Variants in FOXN3 observed in about 807,000 individuals in gnomAD.
The protein encoded by FOXN3 is forkhead box protein N3.
FOXN3 carries 7 observed loss-of-function variants against 38.4 expected under a neutral mutation model. That is an observed-to-expected ratio of 0.18 (90% CI 0.10 to 0.34). The LOEUF (loss-of-function observed/expected upper bound fraction) is 0.34. FOXN3 is among the 10% of genes least tolerant of loss of function. FOXN3 has a pLI of 1.00. For missense variants in FOXN3, 456 were observed against 613.4 expected, an observed-to-expected ratio of 0.74 and a Z score of 2.71; for synonymous variants, 230 against 242.2, an observed-to-expected ratio of 0.95 and a Z score of 0.47.
In FOXN3 at chr14:89,158,378, A is replaced by C. The variant is rs1177935954; in HGVS notation, c.*4036T>G. On this transcript the variant is annotated 3_prime_UTR_variant, in exon 6 of 6. Coordinates refer to ENST00000557258, the MANE Select transcript of FOXN3 (RefSeq NM_005197.4). Reference sequence around the variant, plus strand: ...CTGCTGTGGCCAGCAAGCACTAGACACATTGAATGCCTCTGCAAAACAAAA... The same window carrying C: ...CTGCTGTGGCCAGCAAGCACTAGACCCATTGAATGCCTCTGCAAAACAAAA... 6.6e-6 allele frequency: 1 copy of C among 152,396 alleles called. No homozygotes were observed. Among genetic ancestry groups the C allele is most frequent in the Non-Finnish European group, 1.5e-5 (1 of 68,054 alleles). The allele number at this position is 152,396 out of a possible 1,614,324, so 9.4% of individuals were successfully genotyped here. A position where few individuals can be genotyped will look rare whatever the true frequency, so the allele number is the denominator to read the frequency against.
intron 2 of FOXN3, among the ~76,000 whole-genome samples, chr14:89,389,985 C>T (rs1890892733): frequency 1.3e-5 from 2 of 151,880 alleles, no homozygotes; most frequent in Admixed American, 6.6e-5. Flanking sequence ...TTTGGGAGGC[C>T]GAGGTGGGCA....
chr14:89,581,176 T>G (rs973214231), intron 1 of FOXN3, among the ~76,000 whole-genome samples: 17 of 151,838 alleles, frequency 1.1e-4, no homozygotes, highest in African/African-American at 4.1e-4. Flanking sequence ...AGTGAGACCC[T>G]GTCTCAGAAA....
Position 89,291,551 on chromosome 14 carries a change from A to T in FOXN3, c.681-10537T>A, listed in dbSNP as rs1016551027. 1.4e-5 allele frequency: 8 copies of T among 571,464 alleles called. No homozygotes were observed. In the African/African-American group the frequency reaches 1.5e-4, roughly 11 times the overall value. The allele number at this position is 571,464 out of a possible 1,614,324, so 35.4% of individuals were successfully genotyped here. On this transcript the variant is annotated intron_variant, in intron 3 of 5. Transcript: ENST00000557258. ...TGCAGACAGCGACTCCAGGCAGCTG[A>T]CAGCCCACTCCAGTCTTTCCAGCAG...
At chr14:89,588,488 G>A (rs778851864) in intron 1 of FOXN3, among the ~76,000 whole-genome samples, 3 of 152,024 alleles carry the variant, frequency 2.0e-5, no homozygotes, top group Admixed American at 1.3e-4. Flanking sequence ...CATCAACACC[G>A]CCCGATAGCA....
intron 3 of FOXN3, among the ~76,000 whole-genome samples, chr14:89,321,107 G>A (rs764025612): frequency 6.6e-6 from 1 of 151,970 alleles, no homozygotes; most frequent in Non-Finnish European, 1.5e-5. Context: ...GGGCAATATG[G>A]CGAAAACCCC....
In FOXN3 at chr14:89,156,304, A is replaced by G. The variant is rs1886978238; in HGVS notation, c.*6110T>C. ...AATGATGAAATAGTTTGTCTTTGGCAATATGATTACATACGAAGAATGCAA... is the reference window on the plus strand; with the variant it reads ...AATGATGAAATAGTTTGTCTTTGGCGATATGATTACATACGAAGAATGCAA... On this transcript the variant is annotated 3_prime_UTR_variant, in exon 6 of 6. Transcript: ENST00000557258. The G allele has an allele frequency of 6.5e-6, 1 of 152,676 alleles. No homozygotes were observed. 9.5% of individuals were successfully genotyped at this position (152,676 alleles called of 1,614,324 possible). A position where few individuals can be genotyped will look rare whatever the true frequency, so the allele number is the denominator to read the frequency against.
In FOXN3 at chr14:89,160,433, T is replaced by C. The variant is rs542461463; in HGVS notation, c.*1981A>G. 3 of 152,584 alleles carry C rather than the reference T, an allele frequency of 2.0e-5. No homozygotes were observed. The East Asian group carries it at 5.8e-4, about 30-fold the overall frequency. The allele number at this position is 152,584 out of a possible 1,614,324, so 9.5% of individuals were successfully genotyped here. The stretch of plus-strand genomic sequence containing the variant: ...TAGGATGTCTGGGGCTGGCCTTTCC[T>C]ACCTCGGCATCGCTTCCTCCTTCAC... On this transcript the variant is annotated 3_prime_UTR_variant, in exon 6 of 6. Coordinates refer to ENST00000557258, the MANE Select transcript of FOXN3 (RefSeq NM_005197.4).
intron 1 of FOXN3, among the ~76,000 whole-genome samples, chr14:89,467,366 G>A (rs1020542326): frequency 6.6e-6 from 1 of 152,214 alleles, no homozygotes; most frequent in South Asian, 2.1e-4. Context: ...GGGAACATGG[G>A]AAATTTCTAA....
chr14:89,445,150 T>TA (rs1281648300), intron 1 of FOXN3, among the ~76,000 whole-genome samples: 1 of 149,970 alleles, frequency 6.7e-6, no homozygotes, highest in Non-Finnish European at 1.5e-5. Flanking sequence ...TAAAATAAAA[T>TA]AAAAAAAAGT....
At chr14:89,550,640 G>A (rs1227900409) in intron 1 of FOXN3, among the ~76,000 whole-genome samples, 1 of 152,200 alleles carries the variant, frequency 6.6e-6, no homozygotes, top group Non-Finnish European at 1.5e-5. Flanking sequence ...TGGATGATCA[G>A]AGATGGGGAG....
At chr14:89,380,496 T>G (rs928176941) in intron 2 of FOXN3, among the ~76,000 whole-genome samples, 1 of 152,244 alleles carries the variant, frequency 6.6e-6, no homozygotes, top group Non-Finnish European at 1.5e-5. Context: ...TCAAGCTTCC[T>G]GAGAAGAACA....
intron 5 of FOXN3, among the ~76,000 whole-genome samples, chr14:89,169,675 TATTG>T (rs1296398630): frequency 6.6e-6 from 1 of 152,112 alleles, no homozygotes; most frequent in East Asian, 1.9e-4. Flanking sequence ...AGGTTAAAGA[TATTG>T]ATTAACTTTA....
intron 3 of FOXN3, among the ~76,000 whole-genome samples, chr14:89,308,823 A>G (rs1887451554): frequency 1.3e-5 from 2 of 152,224 alleles, no homozygotes; most frequent in African/African-American, 4.8e-5. Flanking sequence ...CACACTGTGA[A>G]CAAATGGAAG....
intron 4 of FOXN3, among the ~76,000 whole-genome samples, chr14:89,234,368 C>A (rs1223403158): frequency 6.6e-6 from 1 of 152,140 alleles, no homozygotes; most frequent in African/African-American, 2.4e-5. Context: ...TAAGCCTTGG[C>A]GTTCCAAGGC....
At chr14:89,246,306 G>A (rs1260199786) in intron 4 of FOXN3, among the ~76,000 whole-genome samples, 1 of 152,070 alleles carries the variant, frequency 6.6e-6, no homozygotes, top group East Asian at 1.9e-4. Context: ...ACATCTTTAA[G>A]TTAAAACATA....
chr14:89,264,212 C>T (rs1885897016), intron 4 of FOXN3, among the ~76,000 whole-genome samples: 2 of 152,076 alleles, frequency 1.3e-5, no homozygotes, highest in African/African-American at 2.4e-5. Flanking sequence ...AAAGACATAC[C>T]CGAGACTGGG....
intron 1 of FOXN3, among the ~76,000 whole-genome samples, chr14:89,441,038 CA>C (rs1256881716): frequency 6.6e-6 from 1 of 152,124 alleles, no homozygotes; most frequent in Non-Finnish European, 1.5e-5. Flanking sequence ...GGTCTGAATG[CA>C]CAAAAGGAAC....
intron 1 of FOXN3, among the ~76,000 whole-genome samples, chr14:89,436,649 C>T (rs889897121): frequency 1.3e-5 from 2 of 152,164 alleles, no homozygotes; most frequent in African/African-American, 4.8e-5. Flanking sequence ...GCTGGCTTTT[C>T]GGTCACTTAC....
At chr14:89,167,700 A>C (rs1183710972) in intron 5 of FOXN3, among the ~76,000 whole-genome samples, 2 of 152,270 alleles carry the variant, frequency 1.3e-5, no homozygotes, top group African/African-American at 2.4e-5. Flanking sequence ...TTTTAAAGGC[A>C]TTGCTGAGTT....
Sources: gnomAD v4.1 joint callset for allele counts (sites outside exome capture counted in the v4.1 genomes callset) on GRCh38, gnomAD v4.1.1 for gene constraint, MANE v1.5 for transcripts, NCBI Gene and HGNC (gene_info 2026-07-23, HGNC 2026-07-21) for gene names.